Variants in KHDRBS2 observed in about 807,000 individuals in gnomAD.
KHDRBS2 encodes the protein KH domain-containing, RNA-binding, signal transduction-associated protein 2.
KHDRBS2 carries 26 observed loss-of-function variants against 44.3 expected under a neutral mutation model. The observed-to-expected ratio is 0.59, with a 90% confidence interval of 0.43 to 0.81. The LOEUF is 0.81. Among genes scored for constraint, KHDRBS2 ranks in the 40% least tolerant of loss-of-function variants. KHDRBS2 has a pLI of 0.00. For synonymous variants in KHDRBS2, 194 were observed against 151.1 expected, an observed-to-expected ratio of 1.28 and a Z score of -2.08; for missense variants, 476 against 433.1, an observed-to-expected ratio of 1.10 and a Z score of -0.88.
intron 6 of KHDRBS2, among the ~76,000 whole-genome samples, chr6:61,857,546 A>G (rs1562314021): frequency 6.6e-6 from 1 of 151,600 alleles, no homozygotes; most frequent in Non-Finnish European, 1.5e-5. Context: ...CTTATAATCA[A>G]TGTTTCCATG....
chr6:61,859,292 G>A (rs1165262460), intron 6 of KHDRBS2, among the ~76,000 whole-genome samples: 3 of 151,680 alleles, frequency 2.0e-5, no homozygotes, highest in Non-Finnish European at 4.4e-5. Context: ...CTACATATAC[G>A]CTTGGGGCAG....
At chr6:61,729,532 G>T (rs983373877) in intron 7 of KHDRBS2, among the ~76,000 whole-genome samples, 1 of 152,086 alleles carries the variant, frequency 6.6e-6, no homozygotes, top group Non-Finnish European at 1.5e-5. Flanking sequence ...TTCCAAAGTG[G>T]TTTACAGTTT....
intron 6 of KHDRBS2, among the ~76,000 whole-genome samples, chr6:61,860,704 G>A (rs1464867700): frequency 6.6e-6 from 1 of 152,014 alleles, no homozygotes; most frequent in African/African-American, 2.4e-5. Flanking sequence ...CTTTAAAATA[G>A]AATGGTTTCT....
intron 4 of KHDRBS2, among the ~76,000 whole-genome samples, chr6:61,930,491 T>A (rs1471196660): frequency 7.8e-6 from 1 of 127,548 alleles, no homozygotes. Flanking sequence ...TCTGAATGTA[T>A]TGGGAAGTGA....
chr6:61,631,846 C>T, the KHDRBS2 span, among the ~76,000 whole-genome samples: 1 of 152,088 alleles, frequency 6.6e-6, no homozygotes, highest in African/African-American at 2.4e-5. Flanking sequence ...TCTCCAGTGG[C>T]TTTTCCTTAG....
chr6:62,010,578 A>T (rs1473338413), intron 3 of KHDRBS2, among the ~76,000 whole-genome samples: 1 of 152,068 alleles, frequency 6.6e-6, no homozygotes, highest in African/African-American at 2.4e-5. Context: ...CATAATTGCG[A>T]TGTGTTGTGG....
intron 1 of KHDRBS2, among the ~76,000 whole-genome samples, chr6:62,254,189 T>A (rs1836999973): frequency 6.6e-6 from 1 of 152,044 alleles, no homozygotes; most frequent in African/African-American, 2.4e-5. Flanking sequence ...GTCTATCACC[T>A]CAGAGCACAG....
chr6:61,577,360 G>A, the KHDRBS2 span, among the ~76,000 whole-genome samples: 1 of 152,068 alleles, frequency 6.6e-6, no homozygotes, highest in Non-Finnish European at 1.5e-5. Flanking sequence ...AGCCTGAACT[G>A]GAGGAGGAAA....
chr6:61,557,566 C>A, the KHDRBS2 span, among the ~76,000 whole-genome samples: 1 of 152,116 alleles, frequency 6.6e-6, no homozygotes, highest in Non-Finnish European at 1.5e-5. Context: ...TGTCAATGTT[C>A]ATCAAGATTA....
intron 4 of KHDRBS2, among the ~76,000 whole-genome samples, chr6:61,904,036 T>C (rs1260224485): frequency 6.6e-6 from 1 of 152,148 alleles, no homozygotes; most frequent in African/African-American, 2.4e-5. Context: ...GTTTGTTTTG[T>C]GCAAAAGCTA....
At chr6:62,262,565 T>C (rs1390137509) in intron 1 of KHDRBS2, among the ~76,000 whole-genome samples, 4 of 151,752 alleles carry the variant, frequency 2.6e-5, no homozygotes, top group Non-Finnish European at 4.4e-5. Flanking sequence ...TTCTCAAGAA[T>C]TTGAAATATA....
chr6:62,220,992 C>T (rs1448045993), intron 1 of KHDRBS2, among the ~76,000 whole-genome samples: 3 of 151,744 alleles, frequency 2.0e-5, no homozygotes, highest in South Asian at 2.1e-4. Flanking sequence ...ATTAAATCAC[C>T]ACCTTGTAAA....
intron 1 of KHDRBS2, among the ~76,000 whole-genome samples, chr6:62,199,343 T>C (rs1213523075): frequency 6.6e-6 from 1 of 152,158 alleles, no homozygotes; most frequent in Non-Finnish European, 1.5e-5. Context: ...AAAACCCCCT[T>C]GTCTCAGCCC....
intron 1 of KHDRBS2, among the ~76,000 whole-genome samples, chr6:62,188,169 T>C (rs1346249816): frequency 6.6e-6 from 1 of 151,990 alleles, no homozygotes; most frequent in Middle Eastern, 3.2e-3. Context: ...CACCTCCCAC[T>C]AGCCTCCACC....
At chr6:62,174,759 G>C (rs1018491034) in intron 2 of KHDRBS2, among the ~76,000 whole-genome samples, 1 of 151,776 alleles carries the variant, frequency 6.6e-6, no homozygotes, top group African/African-American at 2.4e-5. Context: ...GGGAGAAATG[G>C]TTCTGAGAGA....
At chr6:62,209,788 A>C (rs534280428) in intron 1 of KHDRBS2, among the ~76,000 whole-genome samples, 1 of 152,304 alleles carries the variant, frequency 6.6e-6, no homozygotes, top group African/African-American at 2.4e-5. Context: ...TCCAGCCTTC[A>C]TCTTTCTCCT....
At chr6:62,191,288 G>T (rs1477697948) in intron 1 of KHDRBS2, among the ~76,000 whole-genome samples, 1 of 152,070 alleles carries the variant, frequency 6.6e-6, no homozygotes, top group African/African-American at 2.4e-5. Context: ...CAGGCACGTT[G>T]TAGTCTATCC....
chr6:61,594,185 A>G, the KHDRBS2 span, among the ~76,000 whole-genome samples: 1 of 152,114 alleles, frequency 6.6e-6, no homozygotes, highest in African/African-American at 2.4e-5. Flanking sequence ...CAAATTGCAT[A>G]AAATAAAAAA....
At chr6:62,063,519 A>G (rs913464077) in intron 2 of KHDRBS2, among the ~76,000 whole-genome samples, 164 of 151,686 alleles carry the variant, frequency 1.1e-3, no homozygotes, top group African/African-American at 3.8e-3. Context: ...ACAGAGCCAC[A>G]GACAAAAACC....
Sources: gnomAD v4.1 joint callset for allele counts (sites outside exome capture counted in the v4.1 genomes callset) on GRCh38, gnomAD v4.1.1 for gene constraint, MANE v1.5 for transcripts, NCBI Gene and HGNC (gene_info 2026-07-23, HGNC 2026-07-21) for gene names.